Variants in KIAA0825 observed in about 807,000 individuals in gnomAD.
The protein encoded by KIAA0825 is uncharacterized protein KIAA0825.
KIAA0825 carries 119 observed loss-of-function variants against 147.6 expected under a neutral mutation model. The ratio of observed to expected loss-of-function variants is 0.81; its 90% CI spans 0.69 to 0.94. The LOEUF (loss-of-function observed/expected upper bound fraction) is 0.94. Among genes scored for constraint, KIAA0825 ranks in the 40% least tolerant of loss-of-function variants. The pLI is 0.00. For missense variants in KIAA0825, 1,381 were observed against 1,472.7 expected (o/e 0.94, Z 1.02); for synonymous variants, 470 against 518.1 (o/e 0.91, Z 1.26).
intron 3 of KIAA0825, among the ~76,000 whole-genome samples, chr5:94,536,422 T>G (rs866448991): frequency 6.6e-6 from 1 of 152,234 alleles, no homozygotes; most frequent in Non-Finnish European, 1.5e-5. Context: ...TGCCTGATTA[T>G]AGGGTCCACA....
At chr5:94,402,766 G>A (rs1368016637) in intron 16 of KIAA0825, among the ~76,000 whole-genome samples, 1 of 151,198 alleles carries the variant, frequency 6.6e-6, no homozygotes, top group Non-Finnish European at 1.5e-5. Flanking sequence ...ACTAGAGAAA[G>A]TTTCCTTAGA....
intron 20 of KIAA0825, among the ~76,000 whole-genome samples, chr5:94,163,071 G>A (rs1347153216): frequency 6.6e-6 from 1 of 152,066 alleles, no homozygotes; most frequent in Admixed American, 6.6e-5. Context: ...CTAAAATTCA[G>A]TGACCTTACC....
At chr5:94,271,377 G>T (rs1776975421) in intron 20 of KIAA0825, among the ~76,000 whole-genome samples, 1 of 152,006 alleles carries the variant, frequency 6.6e-6, no homozygotes, top group Non-Finnish European at 1.5e-5. Flanking sequence ...TCTAACAAGG[G>T]ATTAACCAGA....
chr5:94,271,241 T>C (rs1293075956), intron 20 of KIAA0825, among the ~76,000 whole-genome samples: 1 of 151,862 alleles, frequency 6.6e-6, no homozygotes, highest in Non-Finnish European at 1.5e-5. Flanking sequence ...ATAAGCACAG[T>C]CAACCAAAGA....
intron 20 of KIAA0825, among the ~76,000 whole-genome samples, chr5:94,345,500 T>C (rs2150345181): frequency 6.6e-6 from 1 of 152,216 alleles, no homozygotes; most frequent in South Asian, 2.1e-4. Context: ...CTTGGCTATG[T>C]GTAAAGTGTG....
intron 14 of KIAA0825, among the ~76,000 whole-genome samples, chr5:94,418,602 G>A (rs1184834464): frequency 6.6e-6 from 1 of 151,890 alleles, no homozygotes; most frequent in Non-Finnish European, 1.5e-5. Flanking sequence ...GTTCAGGAAT[G>A]GGCAGGTATC....
chr5:94,298,130 C>T (rs1010982902), intron 20 of KIAA0825, among the ~76,000 whole-genome samples: 5 of 151,398 alleles, frequency 3.3e-5, no homozygotes, highest in African/African-American at 1.2e-4. Flanking sequence ...ACCTGTAATC[C>T]CAGCTGTTTG....
intron 3 of KIAA0825, among the ~76,000 whole-genome samples, chr5:94,525,118 C>A (rs995207531): frequency 6.6e-6 from 1 of 151,744 alleles, no homozygotes. Flanking sequence ...AAACACCTCA[C>A]CAAAAATTGA....
intron 20 of KIAA0825, among the ~76,000 whole-genome samples, chr5:94,380,949 T>C (rs941603577): frequency 2.0e-5 from 3 of 152,228 alleles, no homozygotes; most frequent in Non-Finnish European, 2.9e-5. Flanking sequence ...AAGGCCAGTA[T>C]TGACTCAGAT....
intron 2 of KIAA0825, among the ~76,000 whole-genome samples, chr5:94,549,823 C>A (rs535331664): frequency 1.3e-5 from 2 of 152,152 alleles, no homozygotes; most frequent in African/African-American, 4.8e-5. Context: ...AGAACAAAAA[C>A]TTCAAATAAA....
intron 16 of KIAA0825, among the ~76,000 whole-genome samples, chr5:94,397,298 T>G (rs1389465624): frequency 6.6e-6 from 1 of 152,222 alleles, no homozygotes; most frequent in Non-Finnish European, 1.5e-5. Flanking sequence ...TCCTATGCTA[T>G]TTCCACTTTC....
At chr5:94,250,411 A>G (rs920515859) in intron 20 of KIAA0825, among the ~76,000 whole-genome samples, 2 of 152,162 alleles carry the variant, frequency 1.3e-5, no homozygotes, top group Non-Finnish European at 2.9e-5. Flanking sequence ...ACATTATTAC[A>G]TGCTATGAGA....
chr5:94,215,949 A>G (rs533362906), intron 20 of KIAA0825, among the ~76,000 whole-genome samples: 4 of 152,182 alleles, frequency 2.6e-5, no homozygotes, highest in Non-Finnish European at 5.9e-5. Context: ...TTTCACCACG[A>G]TGAACTCCTG....
chr5:94,426,854 AAAATGGT>A (rs1357207490), intron 14 of KIAA0825, among the ~76,000 whole-genome samples: 6 of 152,208 alleles, frequency 3.9e-5, no homozygotes, highest in African/African-American at 1.4e-4. Context: ...TGTATCAATT[AAAATGGT>A]AAGAATAGTA....
chr5:94,580,135 G>A (rs559746401), intron 2 of KIAA0825, among the ~76,000 whole-genome samples: 1 of 152,164 alleles, frequency 6.6e-6, no homozygotes, highest in Non-Finnish European at 1.5e-5. Flanking sequence ...TTTCAACATT[G>A]TTGAAAAATA....
chr5:94,160,750 C>A (rs6882733), intron 20 of KIAA0825, among the ~76,000 whole-genome samples: 1 of 151,416 alleles, frequency 6.6e-6, no homozygotes, highest in African/African-American at 2.4e-5. Flanking sequence ...ACCATTACCC[C>A]CTTCTCCCTC....
chr5:94,521,008 G>T, intron 4 of KIAA0825, 91 bp from the exon 5 acceptor site: 1 of 1,091,050 alleles, frequency 9.2e-7, no homozygotes, highest in Non-Finnish European at 1.3e-6. Flanking sequence ...ATTTCAGGTT[G>T]AAATCAATAC....
intron 20 of KIAA0825, among the ~76,000 whole-genome samples, chr5:94,201,574 A>C (rs954083090): frequency 2.6e-5 from 4 of 151,478 alleles, no homozygotes; most frequent in African/African-American, 9.7e-5. Context: ...TGCCTTGCTA[A>C]TTAAAAAAAA....
intron 20 of KIAA0825, among the ~76,000 whole-genome samples, chr5:94,345,054 G>A (rs1782839474): frequency 6.6e-6 from 1 of 151,778 alleles, no homozygotes; most frequent in South Asian, 2.1e-4. Context: ...ATGGTTAAAT[G>A]GTACATTTTA....
Sources: gnomAD v4.1 joint callset for allele counts (sites outside exome capture counted in the v4.1 genomes callset) on GRCh38, gnomAD v4.1.1 for gene constraint, MANE v1.5 for transcripts, NCBI Gene and HGNC (gene_info 2026-07-23, HGNC 2026-07-21) for gene names.